The following DPY19L1 variants were observed in gnomAD, a reference collection of about 807,000 sequenced individuals.
DPY19L1 encodes protein C-mannosyl-transferase DPY19L1.
DPY19L1 carries 35 observed loss-of-function variants against 96.9 expected under a neutral mutation model. The ratio of observed to expected loss-of-function variants is 0.36; its 90% CI spans 0.28 to 0.48. DPY19L1 has a LOEUF of 0.48. Among genes scored for constraint, DPY19L1 ranks in the 20% least tolerant of loss-of-function variants. The pLI is 0.99. For synonymous variants in DPY19L1, 205 were observed against 252.6 expected (o/e 0.81, Z 1.79); for missense variants, 521 against 777.9 (o/e 0.67, Z 3.93).
Position 35,004,826 on chromosome 7 carries a change from A to C in DPY19L1, c.764+5642T>G, listed in dbSNP as rs147453968. Among the ~76,000 whole-genome samples, 910 of 152,286 alleles carry C rather than the reference A, an allele frequency of 6.0e-3. 11 individuals are homozygous for C. Among genetic ancestry groups the C allele is most frequent in the African/African-American group, 0.019 (809 of 41,558 alleles). On this transcript the variant is annotated intron_variant, in intron 6 of 21. Transcript: ENST00000638088. ...TAAAAGTATTGCATGGGATACAATA[A>C]ACAAAAGTCCAAGTAGGCAGCAGTG...
intron 10 of DPY19L1, among the ~76,000 whole-genome samples, chr7:34,958,589 G>T (rs568875800): frequency 6.6e-6 from 1 of 152,172 alleles, no homozygotes; most frequent in Admixed American, 6.5e-5. Context: ...GTGCATGTCA[G>T]TACATTTATG....
chr7:34,980,644 T>G (rs1784920717), intron 7 of DPY19L1, among the ~76,000 whole-genome samples: 1 of 152,092 alleles, frequency 6.6e-6, no homozygotes. Flanking sequence ...ACTTAGGTAT[T>G]AAACAAAAGA....
chr7:34,950,134 G>C (rs138591796), intron 13 of DPY19L1, among the ~76,000 whole-genome samples: 1 of 151,894 alleles, frequency 6.6e-6, no homozygotes, highest in Admixed American at 6.6e-5. Flanking sequence ...CATCCCAAAG[G>C]CTTTTTCCCT....
At chr7:34,951,059 A>G (rs1245788560) in intron 13 of DPY19L1, among the ~76,000 whole-genome samples, 1 of 152,152 alleles carries the variant, frequency 6.6e-6, no homozygotes, top group Non-Finnish European at 1.5e-5. Context: ...AGCAAAAAAT[A>G]TATGAAAAGA....
chr7:34,950,446 C>A (rs183944461), intron 13 of DPY19L1, among the ~76,000 whole-genome samples: 20 of 152,212 alleles, frequency 1.3e-4, no homozygotes, highest in Admixed American at 1.1e-3. Context: ...GCCACATTTA[C>A]CTCCCACAAA....
At chr7:35,019,291 C>T (rs1392817008) in intron 1 of DPY19L1, among the ~76,000 whole-genome samples, 1 of 152,006 alleles carries the variant, frequency 6.6e-6, no homozygotes, top group Non-Finnish European at 1.5e-5. Context: ...GAAAGGAAAC[C>T]CAGGCCAGAT....
intron 13 of DPY19L1, among the ~76,000 whole-genome samples, chr7:34,954,308 A>G (rs189439271): frequency 6.6e-6 from 1 of 152,284 alleles, no homozygotes; most frequent in African/African-American, 2.4e-5. Context: ...ACAAGTAATG[A>G]CTTGAAAACT....
chr7:34,970,368 C>T (rs1009594202), intron 8 of DPY19L1, among the ~76,000 whole-genome samples: 1 of 152,168 alleles, frequency 6.6e-6, no homozygotes, highest in African/African-American at 2.4e-5. Context: ...AACAAAAGTA[C>T]TTTTAAACTC....
At chr7:34,973,672 C>G (rs1183993869) in intron 7 of DPY19L1, 67 bp from the exon 8 acceptor site, 1 of 812,016 alleles carries the variant, frequency 1.2e-6, no homozygotes, top group African/African-American at 1.8e-5. Context: ...GTAAAAATTG[C>G]TATTTATAAA....
upstream of DPY19L1, chr7:35,037,919 G>C: frequency 8.1e-7 from 1 of 1,236,716 alleles, no homozygotes; most frequent in Non-Finnish European, 1.0e-6. Flanking sequence ...GGGGCCGAAG[G>C]AAGAGCCCTC....
At position 35,033,248 on chromosome 7, in the gene DPY19L1, C is replaced by A. The variant is rs1231459800; in HGVS notation, c.298+3849G>T. 3.9e-5 allele frequency among the ~76,000 whole-genome samples: 6 copies of A among 152,316 alleles called. No homozygotes were observed. The East Asian group carries it at 1.2e-3, about 29-fold the overall frequency. On this transcript the variant is annotated intron_variant, in intron 1 of 21. Coordinates refer to ENST00000638088, the MANE Select transcript of DPY19L1 (RefSeq NM_001366673.1). ...CGGTCTCAGCTTCAAGGCTACCTCCCCAGAGACCTTTCCTGACCCTACTTA... is the reference window on the plus strand; with the variant it reads ...CGGTCTCAGCTTCAAGGCTACCTCCACAGAGACCTTTCCTGACCCTACTTA...
At chr7:35,005,810 CAAA>C (rs3048618) in intron 6 of DPY19L1, among the ~76,000 whole-genome samples, 2 of 143,330 alleles carry the variant, frequency 1.4e-5, no homozygotes, top group Admixed American at 6.8e-5. Flanking sequence ...GATTTCGTCT[CAAA>C]AAAAAAAAAA....
intron 7 of DPY19L1, among the ~76,000 whole-genome samples, chr7:34,978,647 G>A (rs1381521973): frequency 6.6e-6 from 1 of 152,036 alleles, no homozygotes; most frequent in Non-Finnish European, 1.5e-5. Context: ...AGTAAGCCTG[G>A]TTGCTTTCTT....
chr7:35,028,306 C>T (rs1786175879), intron 1 of DPY19L1, among the ~76,000 whole-genome samples: 1 of 152,028 alleles, frequency 6.6e-6, no homozygotes, highest in African/African-American at 2.4e-5. Flanking sequence ...GCATCAAGGA[C>T]AAAACGATTT....
intron 6 of DPY19L1, among the ~76,000 whole-genome samples, chr7:35,000,994 C>T (rs1179678653): frequency 6.6e-6 from 1 of 152,192 alleles, no homozygotes; most frequent in African/African-American, 2.4e-5. Flanking sequence ...ACTGTTGGTA[C>T]TCAAATCCCT....
Position 34,942,592 on chromosome 7 carries a change from T to C in DPY19L1, c.1569+23A>G. On this transcript the variant is annotated intron_variant, in intron 17 of 21. Transcript: ENST00000638088. ...GCATGCAACTTTAAGATAAGTAAAA[T>C]TATAGTCATATTAAGTCTTTACCTC... 1.3e-6 allele frequency: 2 copies of C among 1,564,662 alleles called. 1 individual carries two copies. Among genetic ancestry groups the C allele is most frequent in the South Asian group, 2.3e-5 (2 of 85,926 alleles).
chr7:34,962,731 GA>G (rs1212560157), intron 10 of DPY19L1, among the ~76,000 whole-genome samples: 5 of 151,960 alleles, frequency 3.3e-5, no homozygotes, highest in African/African-American at 1.2e-4. Flanking sequence ...ACCACCCGTA[GA>G]AAAGTGAGGC....
chr7:34,959,898 A>AATATATATATATATATATATATTTAT (rs1784456647), intron 10 of DPY19L1, among the ~76,000 whole-genome samples: 2 of 62,432 alleles, frequency 3.2e-5, no homozygotes, highest in African/African-American at 1.2e-4. Flanking sequence ...TTTGTATATA[A>AATATATATATATATATATATATTTAT]ATATATATAT....
At chr7:34,998,631 G>A (rs908451752) in intron 6 of DPY19L1, among the ~76,000 whole-genome samples, 3 of 152,152 alleles carry the variant, frequency 2.0e-5, no homozygotes, top group East Asian at 1.9e-4. Context: ...GCTGGTAAAC[G>A]AAAAAGCAAC....
Sources: gnomAD v4.1 joint callset for allele counts (sites outside exome capture counted in the v4.1 genomes callset) on GRCh38, gnomAD v4.1.1 for gene constraint, MANE v1.5 for transcripts, NCBI Gene and HGNC (gene_info 2026-07-23, HGNC 2026-07-21) for gene names.